Variants in NR4A1 observed in about 807,000 individuals in gnomAD.
The protein encoded by NR4A1 is nuclear receptor subfamily 4 group A member 1.
A neutral mutation model predicts 47.5 loss-of-function variants in NR4A1; 24 were observed. The observed-to-expected ratio is 0.50, with a 90% CI of 0.37 to 0.71. The LOEUF is 0.71. Ranked by LOEUF, NR4A1 falls within the 30% of genes least tolerant of loss-of-function variation. The probability of loss-of-function intolerance (pLI) is 0.00; values close to 1 mark genes in which losing one functional copy is unlikely to be tolerated. For synonymous variants in NR4A1, 353 were observed against 345.7 expected, an observed-to-expected ratio of 1.02 and a Z score of -0.24; for missense variants, 669 against 788.6, an observed-to-expected ratio of 0.85 and a Z score of 1.82.
upstream of NR4A1, among the ~76,000 whole-genome samples, chr12:52,048,873 A>G (rs150797686): frequency 2.6e-5 from 4 of 152,244 alleles, no homozygotes; most frequent in East Asian, 7.7e-4. Context: ...ATTCCACAAA[A>G]TCTAAGCAAA....
chr12:52,057,066 C>T lies in NR4A1; in HGVS notation c.1168C>T (p.Leu390=). The T allele has an allele frequency of 6.2e-7, 1 of 1,601,148 alleles. No homozygotes were observed. Among genetic ancestry groups the T allele is most frequent in the Non-Finnish European group, 8.5e-7 (1 of 1,173,362 alleles). ...TGGACCGTCTTCCTAGTTCCAGGAG[C>T]TGGTGCTGCCCCACTTTGGGAAGGA... is the stretch of plus-strand genomic sequence containing the variant. The part of the protein sequence containing the change: ...AKLDYSKFQE[L]VLPHFGKEDA... The change falls in exon 5 of 7, where the codon CTG becomes TTG. Residue 390 remains leucine, a synonymous_variant. Transcript: ENST00000394825.
chr12:52,041,978 TG>T, intron 2 of NR4A1: 1 of 1,090,674 alleles, frequency 9.2e-7, no homozygotes, highest in South Asian at 3.2e-5. Context: ...CAGGTGGGGT[TG>T]GGGGGCAGAG....
chr12:52,051,056 T>C (rs1408798555), upstream of NR4A1, among the ~76,000 whole-genome samples: 1 of 152,154 alleles, frequency 6.6e-6, no homozygotes, highest in Admixed American at 6.5e-5. Context: ...CTTCTCGGGC[T>C]CTGGCCCTCC....
At chr12:52,027,416 C>T (rs1315093663) in intron 1 of NR4A1, among the ~76,000 whole-genome samples, 3 of 152,196 alleles carry the variant, frequency 2.0e-5, no homozygotes, top group Admixed American at 6.5e-5. Context: ...ATTTATGGTT[C>T]GAGTGCCCGC....
At chr12:52,038,589 T>G in intron 1 of NR4A1, 1 of 650,262 alleles carries the variant, frequency 1.5e-6, no homozygotes, top group Non-Finnish European at 2.8e-6. Flanking sequence ...GGGGCCCTAG[T>G]GGTGGGGCTA....
rs1331782065 is a variant in NR4A1 at position 52,058,833 on chromosome 12, G to A, written c.1686G>A (p.Leu562=). The A allele has an allele frequency of 1.9e-6, 3 of 1,613,888 alleles. No homozygotes were observed. In the African/African-American group the frequency reaches 4.0e-5, roughly 22 times the overall value. Residue 562 remains leucine (L), a synonymous_variant, in exon 7 of 7, where the codon CTG becomes CTA. Coordinates refer to ENST00000394825, the MANE Select transcript of NR4A1 (RefSeq NM_173157.3). The part of the protein sequence containing the change: ...LSRLLGKLPE[L]RTLCTQGLQR... ...GTCTGTTGGGCAAACTGCCCGAGCT[G>A]CGGACCCTGTGCACCCAGGGCCTGC...
chr12:52,042,012 C>T (rs1037486193), intron 2 of NR4A1: 6 of 1,211,346 alleles, frequency 5.0e-6, no homozygotes, highest in African/African-American at 1.6e-5. Context: ...CTGCCCAAAG[C>T]GGATGTGGTT....
intron 1 of NR4A1, among the ~76,000 whole-genome samples, chr12:52,027,607 G>A (rs1305528876): frequency 1.3e-5 from 2 of 152,248 alleles, no homozygotes; most frequent in South Asian, 2.1e-4. Context: ...CTAAGGGCCC[G>A]CAAGGAAAGA....
At chr12:52,041,826 G>A (rs1366155515) in exon 2 of NR4A1, 1 of 1,458,278 alleles carries the variant, frequency 6.9e-7, no homozygotes, top group South Asian at 1.5e-5. Context: ...ACCATGGACA[G>A]AGGCCAGGCC....
intron 1 of NR4A1, among the ~76,000 whole-genome samples, chr12:52,023,200 G>T (rs1236237322): frequency 6.6e-6 from 1 of 152,212 alleles, no homozygotes; most frequent in Admixed American, 6.5e-5. Flanking sequence ...TGCTCAAGAG[G>T]CTGCAGGCTG....
chr12:52,055,468 G>T (rs936311181), intron 2 of NR4A1: 5 of 584,472 alleles, frequency 8.6e-6, no homozygotes, highest in Middle Eastern at 4.5e-4. Flanking sequence ...GAGCTGCAGG[G>T]GTGCCTGGCG....
At chr12:52,056,934 G>T in intron 4 of NR4A1, 123 bp from the exon 5 acceptor site, 1 of 973,316 alleles carries the variant, frequency 1.0e-6, no homozygotes. Flanking sequence ...GTGAGAGCCT[G>T]GGCAGGATCT....
upstream of NR4A1, among the ~76,000 whole-genome samples, chr12:52,047,395 G>A (rs975137542): frequency 1.3e-5 from 2 of 152,250 alleles, no homozygotes; most frequent in African/African-American, 4.8e-5. Context: ...GGATCCCCAA[G>A]CCCCTTTCAC....
At chr12:52,034,176 A>T (rs1938189192) in intron 1 of NR4A1, among the ~76,000 whole-genome samples, 1 of 152,112 alleles carries the variant, frequency 6.6e-6, no homozygotes, top group Non-Finnish European at 1.5e-5. Context: ...CCTTTTCTCT[A>T]TACCCTGCCT....
intron 1 of NR4A1, chr12:52,038,753 A>ACTGC: frequency 1.3e-6 from 1 of 764,700 alleles, no homozygotes; most frequent in African/African-American, 1.7e-5. Flanking sequence ...ATTGAAGGTA[A>ACTGC]CTGGGCAGAA....
chr12:52,026,188 T>C (rs1414862192), intron 1 of NR4A1, among the ~76,000 whole-genome samples: 4 of 152,108 alleles, frequency 2.6e-5, no homozygotes, highest in African/African-American at 9.7e-5. Flanking sequence ...GGGACAGGAG[T>C]GCATGGGAAA....
At chr12:52,029,021 A>G (rs1240308640) in intron 1 of NR4A1, among the ~76,000 whole-genome samples, 1 of 152,244 alleles carries the variant, frequency 6.6e-6, no homozygotes, top group East Asian at 1.9e-4. Flanking sequence ...TGGAATAGGC[A>G]TAATAGGCAC....
intron 1 of NR4A1, among the ~76,000 whole-genome samples, chr12:52,037,020 C>T (rs939030381): frequency 2.8e-4 from 42 of 151,050 alleles, no homozygotes; most frequent in Non-Finnish European, 8.9e-5. Flanking sequence ...GCGGGGCGCT[C>T]GCGGCTATTC....
intron 1 of NR4A1, among the ~76,000 whole-genome samples, chr12:52,053,139 G>A (rs943791758): frequency 7.2e-5 from 11 of 152,232 alleles, no homozygotes; most frequent in East Asian, 3.9e-4. Context: ...CCAGAGTTAC[G>A]CAGACCCCAG....
Sources: gnomAD v4.1 joint callset for allele counts (sites outside exome capture counted in the v4.1 genomes callset) on GRCh38, gnomAD v4.1.1 for gene constraint, MANE v1.5 for transcripts, NCBI Gene and HGNC (gene_info 2026-07-23, HGNC 2026-07-21) for gene names.